Variants in EML5 observed in about 807,000 individuals in gnomAD.
EML5 encodes echinoderm microtubule-associated protein-like 5.
In EML5, 120 loss-of-function variants were observed where a neutral mutation model predicts 250.0. The observed-to-expected ratio is 0.48, with a 90% CI of 0.41 to 0.56. EML5 has a LOEUF of 0.56. Ranked by LOEUF, EML5 falls within the 20% of genes least tolerant of loss-of-function variation. The pLI is 0.00. For missense variants in EML5, 2,006 were observed against 2,437.6 expected (o/e 0.82, Z 3.73); for synonymous variants, 771 against 806.5 (o/e 0.96, Z 0.75).
chr14:88,739,053 T>C, intron 5 of EML5, 39 bp from the exon 6 acceptor site: 2 of 1,552,832 alleles, frequency 1.3e-6, no homozygotes, highest in East Asian at 4.6e-5. Flanking sequence ...ACAAATATTT[T>C]TTAAGAACAT....
At chr14:88,773,415 G>A (rs541705520) in intron 1 of EML5, among the ~76,000 whole-genome samples, 9 of 152,284 alleles carry the variant, frequency 5.9e-5, no homozygotes, top group African/African-American at 2.2e-4. Flanking sequence ...TAGGCAAGAA[G>A]CCCAAAGTAT....
At chr14:88,654,412 A>G (rs2091779521) in intron 27 of EML5, among the ~76,000 whole-genome samples, 1 of 152,126 alleles carries the variant, frequency 6.6e-6, no homozygotes, top group Admixed American at 6.6e-5. Flanking sequence ...TCCTGTGGGC[A>G]TTTAGTGCTA....
Position 88,740,453 on chromosome 14 carries a change from T to C in EML5, c.645A>G (p.Ala215=). ...CARDELTYSG[A]LNGDIYVWKG... is the part of the protein sequence containing the mutation. ...TCCAAACATATATATCCCCATTGAG[T>C]GCACCAGAATATGTTAATTCATCCC... The change falls in exon 5 of 44, where the codon GCA becomes GCG. Residue 215 remains alanine (A), a synonymous_variant. Coordinates refer to ENST00000554922, the MANE Select transcript of EML5 (RefSeq NM_183387.3). 6.2e-7 allele frequency: 1 copy of C among 1,613,850 alleles called. No homozygotes were observed. Among genetic ancestry groups the C allele is most frequent in the Non-Finnish European group, 8.5e-7 (1 of 1,179,820 alleles).
chr14:88,733,837 C>A (rs2140170087), intron 7 of EML5, among the ~76,000 whole-genome samples: 1 of 152,176 alleles, frequency 6.6e-6, no homozygotes, highest in South Asian at 2.1e-4. Context: ...AAAAATATAA[C>A]CACTAATGTA....
In EML5 at chr14:88,719,565, G is replaced by C. The variant is rs1429856317; in HGVS notation, c.1188-4370C>G. ...AGGAATGGGTGCCTCTGAGGAGTTTGCTGTTGATAACACAGTGTAGCTTAC... is the reference window on the plus strand; with the variant it reads ...AGGAATGGGTGCCTCTGAGGAGTTTCCTGTTGATAACACAGTGTAGCTTAC... On this transcript the variant is annotated intron_variant, in intron 8 of 43. Transcript: ENST00000554922. 2.0e-5 allele frequency among the ~76,000 whole-genome samples: 3 copies of C among 152,108 alleles called. No homozygotes were observed. In the South Asian group the frequency reaches 6.2e-4, roughly 32 times the overall value.
chr14:88,688,234 A>G (rs765289398), intron 18 of EML5, 37 bp downstream of exon 18: 2 of 1,609,992 alleles, frequency 1.2e-6, no homozygotes, highest in East Asian at 2.2e-5. Context: ...CTCCAGGACA[A>G]ATTTTGTTTA....
At chr14:88,744,351 T>TA (rs1566739020) in intron 3 of EML5, among the ~76,000 whole-genome samples, 1 of 152,034 alleles carries the variant, frequency 6.6e-6, no homozygotes, top group Non-Finnish European at 1.5e-5. Flanking sequence ...TTTTAATTTT[T>TA]AAAAAAATTT....
chr14:88,789,817 G>A (rs1307527178), intron 1 of EML5, among the ~76,000 whole-genome samples: 1 of 152,236 alleles, frequency 6.6e-6, no homozygotes, highest in Admixed American at 6.5e-5. Context: ...AAAACCTGAG[G>A]ACAATGATCT....
intron 1 of EML5, among the ~76,000 whole-genome samples, chr14:88,763,659 G>A (rs2094280838): frequency 6.6e-6 from 1 of 152,174 alleles, no homozygotes; most frequent in Non-Finnish European, 1.5e-5. Flanking sequence ...CATTTTATGA[G>A]GCCGGCATCA....
chr14:88,785,215 T>C (rs1333176396), intron 1 of EML5, among the ~76,000 whole-genome samples: 2 of 151,974 alleles, frequency 1.3e-5, no homozygotes, highest in Non-Finnish European at 1.5e-5. Context: ...CAGGGGGAAG[T>C]GGGGATGGTT....
chr14:88,618,723 C>G lies in EML5; in HGVS notation c.5465G>C (p.Arg1822Thr), dbSNP rs776449831. Residue 1822 changes from arginine to threonine, a missense_variant, in exon 40 of 44, where the codon AGA (arginine) becomes ACA (threonine). Around this residue, in one of 7 missense-constraint regions of EML5, gnomAD observed 405 missense variants for 523.3 expected, o/e 0.77. Coordinates refer to ENST00000554922, the MANE Select transcript of EML5 (RefSeq NM_183387.3). Reference sequence around the variant, plus strand: ...TGGAATGTCTTTGCAGTAGCTGATTCTGTTAAGAGTGGGGCCCAGCGTTAG... The same window carrying G: ...TGGAATGTCTTTGCAGTAGCTGATTGTGTTAAGAGTGGGGCCCAGCGTTAG... ...YDLTLGPTLN[R>T]ISYCKDIPSF... 1 of 1,610,348 alleles carries G rather than the reference C, an allele frequency of 6.2e-7. No individual in the cohort carries two copies. Among genetic ancestry groups the G allele is most frequent in the East Asian group, 2.2e-5 (1 of 44,830 alleles).
At position 88,681,876 on chromosome 14, in the gene EML5, T is replaced by C; in HGVS notation, c.3124+14A>G. 1.9e-6 allele frequency: 3 copies of C among 1,595,638 alleles called. No homozygotes were observed. The highest frequency in any genetic ancestry group is 2.6e-6 in the Non-Finnish European group (3 of 1,173,646). ...TGAGAGCTTAATCTACGTTCAAGTG[T>C]GAGAGCCTCTTACCCTTTTTCAGCT... is the stretch of plus-strand genomic sequence containing the variant. On this transcript the variant is annotated intron_variant, in intron 21 of 43. Coordinates refer to ENST00000554922, the MANE Select transcript of EML5 (RefSeq NM_183387.3).
intron 32 of EML5, among the ~76,000 whole-genome samples, chr14:88,635,123 C>A (rs2090649565): frequency 6.6e-6 from 1 of 152,054 alleles, no homozygotes; most frequent in Admixed American, 6.5e-5. Flanking sequence ...ACCTAATAAC[C>A]AAACTTTTCA....
intron 23 of EML5, 87 bp downstream of exon 23, chr14:88,664,406 C>T: frequency 9.0e-7 from 1 of 1,115,336 alleles, no homozygotes; most frequent in Admixed American, 3.3e-5. Context: ...TTTAACTCAT[C>T]TGTTGAATCA....
intron 26 of EML5, among the ~76,000 whole-genome samples, chr14:88,657,937 A>G (rs72697919): frequency 0.011 from 1,633 of 152,288 alleles, 10 homozygotes; most frequent in Admixed American, 0.022. Flanking sequence ...TTAATAATAT[A>G]AAATTTACCT....
Position 88,688,292 on chromosome 14 carries a change from G to C in EML5, c.2721C>G (p.Phe907Leu). Residue 907 changes from phenylalanine (F) to leucine (L), a missense_variant, in exon 18 of 44, where the codon TTC becomes TTG. Around this residue, in one of 7 missense-constraint regions of EML5, gnomAD observed 1,375 missense variants for 1,590.3 expected, o/e 0.86. Coordinates refer to ENST00000554922, the MANE Select transcript of EML5 (RefSeq NM_183387.3). ...TTACTTTTTCCAATGCATGCATACTGAACACTGGCCCATCATGCGCTTTCA... is the reference window on the plus strand; with the variant it reads ...TTACTTTTTCCAATGCATGCATACTCAACACTGGCCCATCATGCGCTTTCA... Reference protein sequence around the residue: ...KTVKAHDGPVFSMHALEKGFV... With the variant: ...KTVKAHDGPVLSMHALEKGFV... 6.2e-7 allele frequency: 1 copy of C among 1,613,822 alleles called. No individual in the cohort carries two copies.
intron 10 of EML5, among the ~76,000 whole-genome samples, chr14:88,709,296 A>G (rs1397501560): frequency 6.6e-6 from 1 of 152,158 alleles, no homozygotes; most frequent in Non-Finnish European, 1.5e-5. Flanking sequence ...AAAACACATC[A>G]TTAAGAAAAT....
At chr14:88,782,211 C>T (rs1007551213) in intron 1 of EML5, among the ~76,000 whole-genome samples, 1 of 152,174 alleles carries the variant, frequency 6.6e-6, no homozygotes, top group Admixed American at 6.5e-5. Flanking sequence ...ATCAATCTTA[C>T]TATGCAAAGA....
chr14:88,649,497 A>G (rs1371448436), intron 28 of EML5, among the ~76,000 whole-genome samples: 1 of 152,262 alleles, frequency 6.6e-6, no homozygotes, highest in Non-Finnish European at 1.5e-5. Context: ...TTTATTAAAC[A>G]TACAAATACC....
Sources: allele counts gnomAD v4.1 joint callset (sites outside exome capture counted in the v4.1 genomes callset), GRCh38; gene constraint gnomAD v4.1.1; regional missense constraint gnomAD v4.1.1; transcripts MANE v1.5; gene names NCBI Gene and HGNC (gene_info 2026-07-23, HGNC 2026-07-21).